Variants in ADAM29 observed in about 807,000 individuals in gnomAD.
The protein encoded by ADAM29 is ADAM metallopeptidase domain 29.
For synonymous variants in ADAM29, 367 were observed against 342.3 expected (o/e 1.07, Z -0.80); for missense variants, 969 against 1,001.8 (o/e 0.97, Z 0.44).
rs115870523 is a variant in ADAM29 at position 174,937,405 on chromosome 4, C to G, written c.-181+392C>G. ...TTTGATATATTTCTAAAGATTCTTA[C>G]TGTTGAATCCTAAGTTATTTTACTC... On this transcript the variant is annotated intron_variant, in intron 4 of 4. Coordinates refer to ENST00000359240, the MANE Select transcript of ADAM29 (RefSeq NM_014269.4). Among the ~76,000 whole-genome samples the G allele has an allele frequency of 2.4e-3, 365 of 152,118 alleles. 2 individuals are homozygous for G. Among genetic ancestry groups the G allele is most frequent in the African/African-American group, 8.3e-3 (344 of 41,534 alleles).
chr4:174,960,029 G>T (rs925693380), intron 4 of ADAM29, among the ~76,000 whole-genome samples: 1 of 151,898 alleles, frequency 6.6e-6, no homozygotes, highest in Non-Finnish European at 1.5e-5. Context: ...TCTTTTGTGA[G>T]TTTGATGATG....
chr4:174,958,726 C>T (rs1475488360), intron 4 of ADAM29, among the ~76,000 whole-genome samples: 1 of 151,606 alleles, frequency 6.6e-6, no homozygotes, highest in Admixed American at 6.6e-5. Flanking sequence ...TCTTGTTCTA[C>T]TTTTTTTGTT....
intron 4 of ADAM29, among the ~76,000 whole-genome samples, chr4:174,971,700 T>C (rs1297031301): frequency 1.3e-5 from 2 of 152,168 alleles, no homozygotes; most frequent in Non-Finnish European, 2.9e-5. Context: ...GTTCATCTTA[T>C]TTGGGAACTT....
chr4:174,961,519 A>G (rs1416824479), intron 4 of ADAM29, among the ~76,000 whole-genome samples: 3 of 152,056 alleles, frequency 2.0e-5, no homozygotes, highest in Non-Finnish European at 4.4e-5. Flanking sequence ...CGTGCTCATT[A>G]GTACAAATGA....
intron 4 of ADAM29, among the ~76,000 whole-genome samples, chr4:174,954,978 T>C (rs1478678413): frequency 6.6e-6 from 1 of 152,162 alleles, no homozygotes; most frequent in African/African-American, 2.4e-5. Flanking sequence ...CATTTTCTAT[T>C]TCATTCATGT....
chr4:174,939,779 A>C (rs1490846919), intron 4 of ADAM29, among the ~76,000 whole-genome samples: 1 of 152,200 alleles, frequency 6.6e-6, no homozygotes, highest in African/African-American at 2.4e-5. Flanking sequence ...ACACCTTTAG[A>C]TGGAAAGAAA....
chr4:174,970,282 T>C (rs1296220764), intron 4 of ADAM29, among the ~76,000 whole-genome samples: 1 of 152,108 alleles, frequency 6.6e-6, no homozygotes, highest in African/African-American at 2.4e-5. Flanking sequence ...AGGTTGCAGA[T>C]GGAATCAAGG....
rs755821340 is a variant in ADAM29, at chr4:174,976,839, T to G, written c.1314T>G (p.Ala438=). The change falls in exon 5 of 5, where the codon GCT becomes GCG. Residue 438 remains alanine (A), a synonymous_variant. Coordinates refer to ENST00000359240, the MANE Select transcript of ADAM29 (RefSeq NM_014269.4). ...CTCTGACTGATGGTTCTACTTGTGC[T>G]TTTGGGCTTTGTTGCAAAGACTGCA... is the stretch of plus-strand genomic sequence containing the variant. The part of the protein sequence containing the change: ...NCTLTDGSTC[A]FGLCCKDCKF... 6.8e-6 allele frequency: 11 copies of G among 1,614,052 alleles called. No individual in the cohort carries two copies. In the East Asian group the frequency reaches 2.5e-4, roughly 36 times the overall value.
chr4:174,933,146 A>G (rs1743999499), intron 3 of ADAM29, among the ~76,000 whole-genome samples: 1 of 152,164 alleles, frequency 6.6e-6, no homozygotes, highest in East Asian at 1.9e-4. Context: ...AGTGAGCAGA[A>G]TGGGGTCTGG....
intron 4 of ADAM29, among the ~76,000 whole-genome samples, chr4:174,948,280 C>T (rs1744966607): frequency 1.3e-5 from 2 of 152,170 alleles, no homozygotes; most frequent in African/African-American, 4.8e-5. Context: ...TCTTTCTTAT[C>T]TGTCTGGGCT....
intron 4 of ADAM29, among the ~76,000 whole-genome samples, chr4:174,965,840 CA>C (rs1746128749): frequency 6.6e-6 from 1 of 152,098 alleles, no homozygotes; most frequent in South Asian, 2.1e-4. Context: ...GCTCCACTTC[CA>C]AATAACATTA....
At chr4:174,937,534 T>C (rs1313619512) in intron 4 of ADAM29, among the ~76,000 whole-genome samples, 1 of 152,002 alleles carries the variant, frequency 6.6e-6, no homozygotes, top group Non-Finnish European at 1.5e-5. Flanking sequence ...CTCTCCCATT[T>C]CATCAGGTGA....
At chr4:174,929,092 T>G (rs1743692336) in intron 2 of ADAM29, among the ~76,000 whole-genome samples, 1 of 152,230 alleles carries the variant, frequency 6.6e-6, no homozygotes, top group Admixed American at 6.5e-5. Flanking sequence ...GAATGCCATC[T>G]GCTAATTTGC....
At chr4:174,942,126 C>T (rs1279013731) in intron 4 of ADAM29, among the ~76,000 whole-genome samples, 1 of 152,206 alleles carries the variant, frequency 6.6e-6, no homozygotes, top group Non-Finnish European at 1.5e-5. Context: ...AAGCTCCACC[C>T]TTGTGGCTCT....
intron 4 of ADAM29, among the ~76,000 whole-genome samples, chr4:174,943,489 C>G (rs542184670): frequency 1.3e-5 from 2 of 152,234 alleles, no homozygotes; most frequent in South Asian, 4.1e-4. Context: ...AAAGGGGAAG[C>G]AAGTAACATC....
At chr4:174,939,989 C>A (rs1744436045) in intron 4 of ADAM29, among the ~76,000 whole-genome samples, 1 of 152,034 alleles carries the variant, frequency 6.6e-6, no homozygotes, top group Admixed American at 6.6e-5. Context: ...TACCTCCCTA[C>A]CTTTCTCCAT....
rs760026216 is a variant in ADAM29, at chr4:174,977,141, C to T, written c.1616C>T (p.Ala539Val). Residue 539 changes from alanine to valine, a missense_variant, in exon 5 of 5, where the codon GCT (alanine) becomes GTT (valine). By Grantham distance (64) the Ala-to-Val change is moderately conservative. Transcript: ENST00000359240. ...DRVGHCGIKN[A>V]TYIKCNISDV... ...GTTGGTCACTGTGGTATCAAAAATG[C>T]TACATATATAAAGTGTAATATCTCA... 1.2e-6 allele frequency: 2 copies of T among 1,614,038 alleles called. No homozygotes were observed. Among genetic ancestry groups the T allele is most frequent in the Non-Finnish European group, 8.5e-7 (1 of 1,179,998 alleles).
intron 3 of ADAM29, among the ~76,000 whole-genome samples, chr4:174,935,924 TG>T (rs1211464145): frequency 6.6e-6 from 1 of 152,080 alleles, no homozygotes; most frequent in African/African-American, 2.4e-5. Flanking sequence ...ATGTTTGCAC[TG>T]GTAGAAACAT....
At chr4:174,951,361 C>A (rs923783859) in intron 4 of ADAM29, among the ~76,000 whole-genome samples, 1 of 152,172 alleles carries the variant, frequency 6.6e-6, no homozygotes, top group African/African-American at 2.4e-5. Context: ...TTACTTCACA[C>A]TTCTTTCCAT....
Sources: allele counts gnomAD v4.1 joint callset (sites outside exome capture counted in the v4.1 genomes callset), GRCh38; gene constraint gnomAD v4.1.1; transcripts MANE v1.5; gene names NCBI Gene and HGNC (gene_info 2026-07-23, HGNC 2026-07-21).